SLC25A47: variants seen among roughly 807,000 people sequenced by gnomAD.
SLC25A47 encodes the protein HCC-down-regulated mitochondrial carrier protein.
Under a neutral mutation model 29.8 loss-of-function variants are expected in SLC25A47, and 30 were observed. The observed-to-expected ratio is 1.01, with a 90% CI of 0.75 to 1.36. The LOEUF (loss-of-function observed/expected upper bound fraction) is 1.36, where lower values mean the gene tolerates loss of function less well. Ranked by LOEUF, SLC25A47 falls within the 40% of genes most tolerant of loss-of-function variation. The pLI is 0.00. For missense variants in SLC25A47, 430 were observed against 441.9 expected (o/e 0.97, Z 0.24); for synonymous variants, 204 against 197.8 (o/e 1.03, Z -0.26).
At chr14:100,328,613 T>C in intron 4 of SLC25A47, 113 bp from the exon 5 acceptor site, 11 of 1,152,704 alleles carry the variant, frequency 9.5e-6, no homozygotes, top group Non-Finnish European at 1.4e-5. Context: ...CTGCAGGGTC[T>C]CGGGGCCCAA....
chr14:100,327,234 C>A lies in SLC25A47; in HGVS notation c.191C>A (p.Ser64Tyr). The change falls in exon 4 of 6, where the codon TCC becomes TAC. Residue 64 changes from serine to tyrosine, a missense_variant. Transcript: ENST00000361529. Reference sequence around the variant, plus strand: ...CTCTCGCTGCCCGTGTGCACGGTGTCCCTGGTATCTTCCGTGTCTTTTGGC... The same window carrying A: ...CTCTCGCTGCCCGTGTGCACGGTGTACCTGGTATCTTCCGTGTCTTTTGGC... ...RGLSLPVCTV[S>Y]LVSSVSFGTY... The A allele has an allele frequency of 6.2e-7, 1 of 1,609,730 alleles. No individual in the cohort carries two copies. The highest frequency in any genetic ancestry group is 8.5e-7 in the Non-Finnish European group (1 of 1,179,922).
chr14:100,328,759 G>T lies in SLC25A47; in HGVS notation c.361G>T (p.Val121Phe). The change falls in exon 5 of 6, where the codon GTC (valine) becomes TTC (phenylalanine). Residue 121 changes from valine (V) to phenylalanine (F), a missense_variant. By Grantham distance (50) the Val-to-Phe change is conservative. Coordinates refer to ENST00000361529, the MANE Select transcript of SLC25A47 (RefSeq NM_207117.4). ...GACGTCGCCCACTGAGGTGGCCAAA[G>T]TCCGCTTGCAGACGCAGACACAGGC... ...FLTSPTEVAK[V>F]RLQTQTQAQK... is the part of the protein sequence containing the mutation. 1 of 1,613,032 alleles carries T rather than the reference G, an allele frequency of 6.2e-7. No homozygotes were observed. The highest frequency in any genetic ancestry group is 8.5e-7 in the Non-Finnish European group (1 of 1,179,956).
In SLC25A47 at chr14:100,329,792, G is replaced by T; in HGVS notation, c.*147G>T. ...GAGCCTCCCTGCAGTGTTGTCGGCC[G>T]AGGCCTGAGCTCGCCCTGCCCAGCT... On this transcript the variant is annotated 3_prime_UTR_variant, in exon 6 of 6. Transcript: ENST00000361529. 1.8e-6 allele frequency: 2 copies of T among 1,141,134 alleles called. No homozygotes were observed. The highest frequency in any genetic ancestry group is 2.4e-6 in the Non-Finnish European group (2 of 820,286). 70.7% of individuals were successfully genotyped at this position (1,141,134 alleles called of 1,614,324 possible).
At chr14:100,326,861 T>C (rs777174388) in intron 3 of SLC25A47, among the ~76,000 whole-genome samples, 1 of 151,988 alleles carries the variant, frequency 6.6e-6, no homozygotes, top group African/African-American at 2.4e-5. Context: ...GTAATCGCAG[T>C]GGCTCAGGAG....
intron 2 of SLC25A47, 74 bp downstream of exon 2, chr14:100,325,905 T>C: frequency 6.6e-7 from 1 of 1,510,306 alleles, no homozygotes; most frequent in Admixed American, 2.0e-5. Flanking sequence ...TTTTCTAGAA[T>C]GCTAAACAGA....
Position 100,327,319 on chromosome 14 carries a change from G to A in SLC25A47, c.276G>A (p.Lys92=), listed in dbSNP as rs2139846388. 1.2e-6 allele frequency: 2 copies of A among 1,602,686 alleles called. No individual in the cohort carries two copies. Among genetic ancestry groups the A allele is most frequent in the Non-Finnish European group, 1.7e-6 (2 of 1,179,816 alleles). The change falls in exon 4 of 6, where the codon AAG becomes AAA. Residue 92 remains lysine, a synonymous_variant. Transcript: ENST00000361529. ...CRLRYGNPDA[K]PTKADITLSG... is the part of the protein sequence containing the mutation. ...TCCGGTACGGCAACCCTGACGCCAA[G>A]CCCACCAAGGCCGACATCACGCTCT...
chr14:100,326,748 C>T (rs541860775), intron 3 of SLC25A47, among the ~76,000 whole-genome samples: 27 of 152,282 alleles, frequency 1.8e-4, no homozygotes, highest in East Asian at 7.7e-4. Context: ...CCGAAGCAGG[C>T]AGATCACCTG....
chr14:100,323,474 C>T (rs758158580), intron 1 of SLC25A47, 32 bp downstream of exon 1: 10 of 1,612,860 alleles, frequency 6.2e-6, no homozygotes, highest in Non-Finnish European at 8.5e-6. Flanking sequence ...TGTGCAGACA[C>T]TGCTGCTCCT....
At position 100,323,362 on chromosome 14, in the gene SLC25A47, A is replaced by G. The variant is rs1893279904; in HGVS notation, c.-53A>G. On this transcript the variant is annotated 5_prime_UTR_variant, in exon 1 of 6. Transcript: ENST00000361529. ...GAGCTGTTGAGGCCACCCTGGTGGC[A>G]CCAAAGCCCTCTCAGGCAGGCAGAC... 1 of 1,609,628 alleles carries G rather than the reference A, an allele frequency of 6.2e-7. No individual in the cohort carries two copies. The highest frequency in any genetic ancestry group is 8.5e-7 in the Non-Finnish European group (1 of 1,178,130).
In SLC25A47 at chr14:100,326,170, C is replaced by T. The variant is rs141730909; in HGVS notation, c.86C>T (p.Thr29Met). 3.0e-4 allele frequency: 486 copies of T among 1,613,580 alleles called. 2 individuals are homozygous for T. The African/African-American group carries it at 4.9e-3, about 16-fold the overall frequency. Reference protein sequence around the residue: ...PLDTVKVRIQTEPKYTGIWHC... With the variant: ...PLDTVKVRIQMEPKYTGIWHC... The stretch of plus-strand genomic sequence containing the variant: ...CTTCTCCTGCAGGTCAGGATCCAGA[C>T]GGAGCCAAAGTACACAGGCATCTGG... Residue 29 changes from threonine (T) to methionine (M), a missense_variant, in exon 3 of 6, where the codon ACG becomes ATG. Thr to Met is a moderately conservative substitution (Grantham distance 81, BLOSUM62 -1). Transcript: ENST00000361529.
chr14:100,323,737 G>T (rs1595387674), intron 1 of SLC25A47, among the ~76,000 whole-genome samples: 1 of 152,086 alleles, frequency 6.6e-6, no homozygotes, highest in Non-Finnish European at 1.5e-5. Flanking sequence ...AGGGAGGCTG[G>T]GAGTCCTTGG....
chr14:100,327,789 G>A (rs732898), intron 4 of SLC25A47, among the ~76,000 whole-genome samples: 87,080 of 152,176 alleles, frequency 0.57, 27,401 homozygotes, highest in South Asian at 0.83. Context: ...GAGCACCTGC[G>A]GTGCCCGCCT....
chr14:100,325,737 A>T, intron 1 of SLC25A47, 51 bp from the exon 2 acceptor site: 1 of 1,589,228 alleles, frequency 6.3e-7, no homozygotes, highest in Non-Finnish European at 8.6e-7. Context: ...ATGGGGTTGA[A>T]CTGCTCGCCG....
intron 3 of SLC25A47, among the ~76,000 whole-genome samples, chr14:100,326,739 C>T (rs1029572699): frequency 4.6e-5 from 7 of 152,160 alleles, no homozygotes; most frequent in South Asian, 2.1e-4. Context: ...TTTGGGAGGC[C>T]GAAGCAGGCA....
At position 100,328,885 on chromosome 14, in the gene SLC25A47, C is replaced by A. The variant is rs773263199; in HGVS notation, c.487C>A (p.Leu163Met). 1.9e-6 allele frequency: 3 copies of A among 1,611,738 alleles called. No individual in the cohort carries two copies. The Admixed American group carries it at 5.0e-5, about 27-fold the overall frequency. Residue 163 changes from leucine to methionine, a missense_variant, in exon 5 of 6, where the codon CTG becomes ATG. Physicochemically the swap from Leu to Met is conservative, Grantham distance 15 (BLOSUM62 2). Coordinates refer to ENST00000361529, the MANE Select transcript of SLC25A47 (RefSeq NM_207117.4). Reference sequence around the variant, plus strand: ...CCCAGAGCCCAAGTACCGCGGGCCACTGCACTGCCTGGCCACGGTAGCCCG... The same window carrying A: ...CCCAGAGCCCAAGTACCGCGGGCCAATGCACTGCCTGGCCACGGTAGCCCG... ...ACPEPKYRGPLHCLATVAREE... is the reference protein window; with the variant it reads ...ACPEPKYRGPMHCLATVAREE...
rs1390791246 is a variant in SLC25A47, at chr14:100,328,899, C to T, written c.501C>T (p.Ala167=). 4 of 1,610,850 alleles carry T rather than the reference C, an allele frequency of 2.5e-6. No homozygotes were observed. The highest frequency in any genetic ancestry group is 2.2e-5 in the South Asian group (2 of 91,082). The part of the protein sequence containing the change: ...PKYRGPLHCL[A]TVAREEGLCG... ...ACCGCGGGCCACTGCACTGCCTGGC[C>T]ACGGTAGCCCGTGAGGAGGGGCTGT... Residue 167 remains alanine (A), a synonymous_variant, in exon 5 of 6, where the codon GCC becomes GCT. Transcript: ENST00000361529.
chr14:100,328,893 C>T lies in SLC25A47; in HGVS notation c.495C>T (p.Cys165=), dbSNP rs1188023133. ...PEPKYRGPLH[C]LATVAREEGL... is the part of the protein sequence containing the mutation. ...CCAAGTACCGCGGGCCACTGCACTGCCTGGCCACGGTAGCCCGTGAGGAGG... is the reference window on the plus strand; with the variant it reads ...CCAAGTACCGCGGGCCACTGCACTGTCTGGCCACGGTAGCCCGTGAGGAGG... The change falls in exon 5 of 6, where the codon TGC becomes TGT. Residue 165 remains cysteine, a synonymous_variant. Coordinates refer to ENST00000361529, the MANE Select transcript of SLC25A47 (RefSeq NM_207117.4). The T allele has an allele frequency of 6.2e-7, 1 of 1,611,470 alleles. No individual in the cohort carries two copies. Among genetic ancestry groups the T allele is most frequent in the Admixed American group, 1.7e-5 (1 of 60,012 alleles).
Position 100,330,022 on chromosome 14 carries a change from C to A in SLC25A47, c.*377C>A. On this transcript the variant is annotated 3_prime_UTR_variant, in exon 6 of 6. Transcript: ENST00000361529. The stretch of plus-strand genomic sequence containing the variant: ...GTGTGTGCTCAGCCACCCTCTGCCC[C>A]ATTCCTAGACCCTCACCCCCACCAC... The A allele has an allele frequency of 3.7e-6, 1 of 269,962 alleles. No individual in the cohort carries two copies. The allele number at this position is 269,962 out of a possible 1,614,324, so 16.7% of individuals were successfully genotyped here.
At chr14:100,326,417 C>T (rs192176865) in intron 3 of SLC25A47, among the ~76,000 whole-genome samples, 189 bp downstream of exon 3, 119 of 152,310 alleles carry the variant, frequency 7.8e-4, no homozygotes, top group Non-Finnish European at 5.9e-5. Context: ...CTAGAGGGGC[C>T]TCAGAAGGAG....
Sources: allele counts gnomAD v4.1 joint callset (sites outside exome capture counted in the v4.1 genomes callset), GRCh38; gene constraint gnomAD v4.1.1; transcripts MANE v1.5; gene names NCBI Gene and HGNC (gene_info 2026-07-23, HGNC 2026-07-21).